The following MEGF11 variants were observed in gnomAD, a reference collection of about 807,000 sequenced individuals.
MEGF11 encodes multiple epidermal growth factor-like domains protein 11.
A neutral mutation model predicts 146.6 loss-of-function variants in MEGF11; 126 were observed. The observed-to-expected ratio is 0.86, with a 90% CI of 0.74 to 1.00. MEGF11 has a LOEUF of 1.00. Among genes scored for constraint, MEGF11 ranks in the 50% least tolerant of loss-of-function variants. The pLI, the probability that MEGF11 is intolerant of heterozygous loss-of-function variation, is 0.00. For synonymous variants in MEGF11, 532 were observed against 583.4 expected (o/e 0.91, Z 1.27); for missense variants, 1,509 against 1,521.2 (o/e 0.99, Z 0.13).
chr15:65,910,102 G>C (rs2078752869), intron 21 of MEGF11: 7 of 559,320 alleles, frequency 1.3e-5, no homozygotes, highest in Admixed American at 8.9e-5. Flanking sequence ...GATTAGCTGG[G>C]GGGTGGGGCT....
rs537779736 is a variant in MEGF11, at chr15:65,898,504, A to G, written c.3262+224T>C. The G allele has an allele frequency of 5.1e-6, 5 of 985,266 alleles. No individual in the cohort carries two copies. In the South Asian group the frequency reaches 2.3e-4, roughly 46 times the overall value. The allele number at this position is 985,266 out of a possible 1,614,324, so 61.0% of individuals were successfully genotyped here. A position where few individuals can be genotyped will look rare whatever the true frequency, so the allele number is the denominator to read the frequency against. The stretch of plus-strand genomic sequence containing the variant: ...ATTTCCCACCCCCAGTATTTGTTTC[A>G]TATTAGTCCTGGTGTTTTTTAAAGC... On this transcript the variant is annotated intron_variant, in intron 25 of 25. Coordinates refer to ENST00000395614, the MANE Select transcript of MEGF11 (RefSeq NM_001385028.1).
At chr15:66,197,424 T>C (rs2091035079) in intron 1 of MEGF11, among the ~76,000 whole-genome samples, 1 of 152,082 alleles carries the variant, frequency 6.6e-6, no homozygotes, top group African/African-American at 2.4e-5. Context: ...TTTTGTTGTT[T>C]TTGTTTTTTG....
At chr15:66,031,587 T>C (rs2083522272) in intron 5 of MEGF11, among the ~76,000 whole-genome samples, 1 of 152,132 alleles carries the variant, frequency 6.6e-6, no homozygotes, top group African/African-American at 2.4e-5. Context: ...GGTGAAGACA[T>C]CCATAAGGCA....
At chr15:66,089,291 T>A (rs1284782664) in intron 5 of MEGF11, among the ~76,000 whole-genome samples, 1 of 152,200 alleles carries the variant, frequency 6.6e-6, no homozygotes, top group Non-Finnish European at 1.5e-5. Flanking sequence ...GTGCCCAGTG[T>A]CTGGGGAGTA....
At chr15:66,091,350 G>A (rs1264881743) in intron 5 of MEGF11, among the ~76,000 whole-genome samples, 1 of 152,236 alleles carries the variant, frequency 6.6e-6, no homozygotes, top group East Asian at 1.9e-4. Flanking sequence ...ATATCTCAGG[G>A]CCACATCTTT....
rs768038764 is a variant in MEGF11, at chr15:65,930,903, C to T, written c.1328G>A (p.Gly443Asp). 17 of 1,610,918 alleles carry T rather than the reference C, an allele frequency of 1.1e-5. No homozygotes were observed. The highest frequency in any genetic ancestry group is 1.4e-5 in the Non-Finnish European group (17 of 1,178,278). ...GCTACAGATGGACGAGCAGTTGGGG[C>T]CATAGGTCCCTGCTGCACAGGAAAC... The part of the protein sequence containing the change: ...CAVSCAAGTY[G>D]PNCSSICSCN... Residue 443 changes from glycine to aspartate, a missense_variant, in exon 11 of 26, where the codon GGC becomes GAC. Coordinates refer to ENST00000395614, the MANE Select transcript of MEGF11 (RefSeq NM_001385028.1).
At chr15:65,922,581 C>A in intron 14 of MEGF11, 109 bp from the exon 15 acceptor site, 2 of 1,420,478 alleles carry the variant, frequency 1.4e-6, no homozygotes, top group East Asian at 2.5e-5. Flanking sequence ...GCATCCTTCC[C>A]TCATCTTGGA....
chr15:66,076,461 A>T (rs111288084), intron 5 of MEGF11, among the ~76,000 whole-genome samples: 28 of 152,254 alleles, frequency 1.8e-4, no homozygotes, highest in African/African-American at 6.7e-4. Flanking sequence ...TAATTATTCA[A>T]TTTGAGGCCA....
chr15:65,957,669 G>A lies in MEGF11; in HGVS notation c.1165C>T (p.His389Tyr). The A allele has an allele frequency of 1.9e-6, 3 of 1,613,944 alleles. No individual in the cohort carries two copies. The highest frequency in any genetic ancestry group is 2.5e-6 in the Non-Finnish European group (3 of 1,179,892). ...CTCQPGWSGH[H>Y]CNESCPVGYY... ...CCAACAGGGCAGGATTCATTGCAGT[G>A]GTGACCAGACCAGCCTGGCTGGCAG... The change falls in exon 10 of 26, where the codon CAC (histidine) becomes TAC (tyrosine). Residue 389 changes from histidine (H) to tyrosine (Y), a missense_variant. Physicochemically the swap from His to Tyr is moderately conservative, Grantham distance 83. Transcript: ENST00000395614.
chr15:66,112,300 A>G (rs1463804820), intron 4 of MEGF11, among the ~76,000 whole-genome samples: 1 of 152,226 alleles, frequency 6.6e-6, no homozygotes, highest in East Asian at 1.9e-4. Flanking sequence ...GACACGACAG[A>G]AAAAGCACAA....
intron 5 of MEGF11, among the ~76,000 whole-genome samples, chr15:66,036,015 C>T (rs1304250124): frequency 6.6e-6 from 1 of 152,254 alleles, no homozygotes; most frequent in Non-Finnish European, 1.5e-5. Context: ...CACTTCAGTC[C>T]AGTGTCCTTT....
At chr15:66,173,379 G>A (rs1027926631) in intron 1 of MEGF11, among the ~76,000 whole-genome samples, 6 of 151,882 alleles carry the variant, frequency 4.0e-5, no homozygotes, top group Non-Finnish European at 8.8e-5. Context: ...ACAGTGGTGC[G>A]ACCTTGGCTC....
At chr15:66,179,334 T>G (rs1424271075) in intron 1 of MEGF11, among the ~76,000 whole-genome samples, 1 of 152,194 alleles carries the variant, frequency 6.6e-6, no homozygotes, top group Non-Finnish European at 1.5e-5. Context: ...GGTTTCACCA[T>G]GTTGGCCAGG....
chr15:66,045,033 A>G (rs1420615249), intron 5 of MEGF11, among the ~76,000 whole-genome samples: 2 of 152,130 alleles, frequency 1.3e-5, no homozygotes, highest in African/African-American at 4.8e-5. Flanking sequence ...ATGAAAAAGT[A>G]TATTAAGTCA....
chr15:66,174,650 T>C (rs1421763532), intron 1 of MEGF11, among the ~76,000 whole-genome samples: 4 of 151,154 alleles, frequency 2.6e-5, no homozygotes, highest in East Asian at 1.9e-4. Context: ...CTTCCTGAAA[T>C]AGAGCCACAG....
chr15:66,194,910 T>C (rs999354617), intron 1 of MEGF11, among the ~76,000 whole-genome samples: 1 of 152,212 alleles, frequency 6.6e-6, no homozygotes, highest in Non-Finnish European at 1.5e-5. Flanking sequence ...ACCCCGTTTG[T>C]GCATTTGGGC....
chr15:65,980,874 C>G lies in MEGF11; in HGVS notation c.666G>C (p.Gly222=). The G allele has an allele frequency of 6.3e-7, 1 of 1,591,062 alleles. No individual in the cohort carries two copies. The highest frequency in any genetic ancestry group is 8.6e-7 in the Non-Finnish European group (1 of 1,169,580). The change falls in exon 7 of 26, where the codon GGG becomes GGC. Residue 222 remains glycine, a synonymous_variant. Transcript: ENST00000395614. ...GCAGCTCACAGTGAGCTCCATGGCT[C>G]CCAGGAGGGCACAGCTCCTCGCAGC... The part of the protein sequence containing the change: ...GVYCEELCPP[G]SHGAHCELRC...
intron 5 of MEGF11, among the ~76,000 whole-genome samples, chr15:66,016,479 GT>G (rs58588643): frequency 0.077 from 9,816 of 127,556 alleles, 226 homozygotes; most frequent in African/African-American, 0.12. Context: ...CATCCATTCA[GT>G]TTTTTTTTTT....
intron 1 of MEGF11, among the ~76,000 whole-genome samples, chr15:66,200,939 C>G (rs951373033): frequency 6.6e-6 from 1 of 152,056 alleles, no homozygotes; most frequent in Non-Finnish European, 1.5e-5. Context: ...ACCCCTCAGC[C>G]CTCCCCACTG....
Sources: gnomAD v4.1 joint callset for allele counts (sites outside exome capture counted in the v4.1 genomes callset) on GRCh38, gnomAD v4.1.1 for gene constraint, MANE v1.5 for transcripts, NCBI Gene and HGNC (gene_info 2026-07-23, HGNC 2026-07-21) for gene names.